RGS6: variants seen among roughly 807,000 people sequenced by gnomAD.
RGS6 encodes the protein regulator of G protein signaling 6.
In RGS6, 30 loss-of-function variants were observed where a neutral mutation model predicts 78.5. That is an observed-to-expected ratio of 0.38 (90% confidence interval 0.29 to 0.52). The LOEUF (loss-of-function observed/expected upper bound fraction) is 0.52, where lower values mean the gene tolerates loss of function less well. Among genes scored for constraint, RGS6 ranks in the 20% least tolerant of loss-of-function variants. The pLI is 0.85. For synonymous variants in RGS6, 206 were observed against 206.0 expected, an observed-to-expected ratio of 1.00 and a Z score of 0.00; for missense variants, 495 against 609.7, an observed-to-expected ratio of 0.81 and a Z score of 1.98.
At chr14:72,065,569 T>C (rs545874326) in intron 2 of RGS6, among the ~76,000 whole-genome samples, 1 of 152,278 alleles carries the variant, frequency 6.6e-6, no homozygotes, top group African/African-American at 2.4e-5. Flanking sequence ...ATGATCTTTT[T>C]CTATTGCCAT....
chr14:72,215,977 C>A (rs2045467026), intron 2 of RGS6, among the ~76,000 whole-genome samples: 1 of 152,178 alleles, frequency 6.6e-6, no homozygotes, highest in African/African-American at 2.4e-5. Context: ...TACTCCCTCA[C>A]CTTCCTAGGT....
chr14:72,132,781 GTTT>G (rs767770941), intron 2 of RGS6, among the ~76,000 whole-genome samples: 1 of 132,640 alleles, frequency 7.5e-6, no homozygotes. Context: ...TTTGTTTGTC[GTTT>G]TTTTTTTTTT....
At chr14:72,123,247 G>A (rs150214793) in intron 2 of RGS6, among the ~76,000 whole-genome samples, 1 of 152,332 alleles carries the variant, frequency 6.6e-6, no homozygotes, top group Admixed American at 6.5e-5. Flanking sequence ...ACAGTGTCCA[G>A]CCAGGATAGT....
chr14:72,004,989 A>G (rs1434726321), intron 2 of RGS6, among the ~76,000 whole-genome samples: 8 of 152,230 alleles, frequency 5.3e-5, no homozygotes, highest in Non-Finnish European at 1.2e-4. Context: ...CTTTTGACAT[A>G]ACAAATCTAA....
chr14:71,925,593 A>G, the RGS6 span, among the ~76,000 whole-genome samples: 1 of 152,108 alleles, frequency 6.6e-6, no homozygotes, highest in Admixed American at 6.5e-5. Flanking sequence ...GGTGTAAGAT[A>G]AGGGTCCAAT....
the RGS6 span, among the ~76,000 whole-genome samples, chr14:71,902,561 G>T: frequency 8.8e-4 from 134 of 152,192 alleles, no homozygotes; most frequent in African/African-American, 3.1e-3. Flanking sequence ...AGAGGTGTCT[G>T]TTTGGAAACG....
chr14:72,304,055 C>T (rs535820247), intron 2 of RGS6, among the ~76,000 whole-genome samples: 75 of 152,330 alleles, frequency 4.9e-4, no homozygotes, highest in African/African-American at 1.6e-3. Flanking sequence ...CCCGGCCAGC[C>T]CATGACATTA....
chr14:72,473,888 A>G (rs1317628334), intron 9 of RGS6: 1 of 152,240 alleles, frequency 6.6e-6, no homozygotes, highest in Non-Finnish European at 1.5e-5. Context: ...CTCCTAAGGC[A>G]CATCAGAGAA....
the RGS6 span, among the ~76,000 whole-genome samples, chr14:71,894,525 T>C: frequency 6.6e-6 from 1 of 152,210 alleles, no homozygotes; most frequent in African/African-American, 2.4e-5. Flanking sequence ...AGCTGTCCTT[T>C]CACCACTTTA....
At chr14:72,334,207 A>G (rs1324834898) in intron 2 of RGS6, among the ~76,000 whole-genome samples, 3 of 152,364 alleles carry the variant, frequency 2.0e-5, no homozygotes, top group Non-Finnish European at 2.9e-5. Context: ...ATCCTTCCCC[A>G]TAAGGCTCAG....
At position 72,465,606 on chromosome 14, in the gene RGS6, G is replaced by A. The variant is rs911499886; in HGVS notation, c.395-152G>A. On this transcript the variant is annotated intron_variant, in intron 6 of 17. Coordinates refer to ENST00000553525, the MANE Select transcript of RGS6 (RefSeq NM_001204424.2). Reference sequence around the variant, plus strand: ...GATGGATGGATGGATGGATGGTTGGGTGGATGGGTGGATGGGTGGATGGAT... The same window carrying A: ...GATGGATGGATGGATGGATGGTTGGATGGATGGGTGGATGGGTGGATGGAT... 4.0e-4 allele frequency: 209 copies of A among 524,746 alleles called. 1 individual carries two copies. Among genetic ancestry groups the A allele is most frequent in the African/African-American group, 6.3e-4 (25 of 39,374 alleles). The allele number at this position is 524,746 out of a possible 1,614,324, so 32.5% of individuals were successfully genotyped here. A position where few individuals can be genotyped will look rare whatever the true frequency, so the allele number is the denominator to read the frequency against.
intron 2 of RGS6, among the ~76,000 whole-genome samples, chr14:71,993,687 A>G (rs144838823): frequency 1.6e-3 from 248 of 152,278 alleles, no homozygotes; most frequent in Non-Finnish European, 9.3e-4. Context: ...TTTAGGGTAT[A>G]TACTGAATTC....
At chr14:72,356,075 G>C (rs1384155043) in intron 3 of RGS6, among the ~76,000 whole-genome samples, 1 of 152,132 alleles carries the variant, frequency 6.6e-6, no homozygotes, top group African/African-American at 2.4e-5. Flanking sequence ...ATTCCCTGGG[G>C]GATTGAGGGG....
chr14:72,448,078 T>G (rs746917600), intron 3 of RGS6, among the ~76,000 whole-genome samples: 24 of 152,330 alleles, frequency 1.6e-4, no homozygotes, highest in Middle Eastern at 3.4e-3. Context: ...GAAGAGAGTT[T>G]TGTATACCTG....
At chr14:72,586,862 G>C in the RGS6 span, among the ~76,000 whole-genome samples, 2 of 152,086 alleles carry the variant, frequency 1.3e-5, no homozygotes, top group African/African-American at 4.8e-5. Flanking sequence ...TAGCTGCTCA[G>C]TAAATATTTG....
chr14:72,561,055 C>T (rs2097669184), intron 17 of RGS6, among the ~76,000 whole-genome samples: 1 of 152,138 alleles, frequency 6.6e-6, no homozygotes, highest in Non-Finnish European at 1.5e-5. Context: ...AGCCAGATGC[C>T]ACATTGTCCT....
chr14:71,929,945 T>G (rs1489895425), upstream of RGS6, among the ~76,000 whole-genome samples: 1 of 152,208 alleles, frequency 6.6e-6, no homozygotes, highest in East Asian at 1.9e-4. Context: ...TCCATAATTC[T>G]TTAAGTATTT....
intron 2 of RGS6, among the ~76,000 whole-genome samples, chr14:72,178,066 C>T (rs1444714659): frequency 2.0e-5 from 3 of 152,198 alleles, no homozygotes; most frequent in African/African-American, 7.2e-5. Context: ...AGCCAATGCA[C>T]CTGCTGGTCT....
intron 2 of RGS6, among the ~76,000 whole-genome samples, chr14:72,245,895 C>A (rs1312129840): frequency 6.6e-6 from 1 of 152,188 alleles, no homozygotes; most frequent in East Asian, 1.9e-4. Context: ...TGTTCACATT[C>A]CTCTTGACAT....
Sources: gnomAD v4.1 joint callset for allele counts (sites outside exome capture counted in the v4.1 genomes callset) on GRCh38, gnomAD v4.1.1 for gene constraint, MANE v1.5 for transcripts, NCBI Gene and HGNC (gene_info 2026-07-23, HGNC 2026-07-21) for gene names.